Variants in ARHGEF28 observed in about 807,000 individuals in gnomAD.
The protein encoded by ARHGEF28 is Rho guanine nucleotide exchange factor 28.
Under a neutral mutation model 206.6 loss-of-function variants are expected in ARHGEF28, and 152 were observed. That is an observed-to-expected ratio of 0.74 (90% confidence interval 0.64 to 0.84). The LOEUF is 0.84. ARHGEF28 is among the 40% of genes least tolerant of loss of function. The pLI is 0.00. For missense variants in ARHGEF28, 2,028 were observed against 2,073.2 expected, an observed-to-expected ratio of 0.98 and a Z score of 0.42; for synonymous variants, 763 against 776.4, an observed-to-expected ratio of 0.98 and a Z score of 0.29.
intron 1 of ARHGEF28, among the ~76,000 whole-genome samples, chr5:73,639,839 A>C (rs1182415398): frequency 2.6e-5 from 4 of 152,206 alleles, no homozygotes; most frequent in Admixed American, 2.6e-4. Flanking sequence ...GATTAGTGGT[A>C]TGCTTTTTCA....
At chr5:73,697,277 C>G (rs1047344232) in intron 2 of ARHGEF28, among the ~76,000 whole-genome samples, 1 of 152,136 alleles carries the variant, frequency 6.6e-6, no homozygotes, top group East Asian at 1.9e-4. Context: ...CTTTTTACCC[C>G]CTTCTTTAGC....
chr5:73,890,354 G>A (rs986922807), intron 26 of ARHGEF28, among the ~76,000 whole-genome samples: 6 of 152,188 alleles, frequency 3.9e-5, no homozygotes, highest in Non-Finnish European at 8.8e-5. Context: ...TACATACAGA[G>A]GCTGTTTACC....
chr5:73,913,738 A>G (rs978871928), intron 35 of ARHGEF28, among the ~76,000 whole-genome samples: 2 of 152,198 alleles, frequency 1.3e-5, no homozygotes, highest in African/African-American at 2.4e-5. Flanking sequence ...ATCAGTGACC[A>G]CTACTGAGGA....
chr5:73,861,273 A>T (rs1324916596), intron 16 of ARHGEF28, among the ~76,000 whole-genome samples: 6 of 151,926 alleles, frequency 3.9e-5, no homozygotes, highest in Admixed American at 3.9e-4. Flanking sequence ...AGTTGAGTGG[A>T]TGTGATGGAA....
chr5:73,773,274 A>C (rs1753331976), intron 4 of ARHGEF28, among the ~76,000 whole-genome samples: 1 of 152,184 alleles, frequency 6.6e-6, no homozygotes, highest in Non-Finnish European at 1.5e-5. Flanking sequence ...GAGCAGAGCA[A>C]CGGGGTGGCT....
At position 73,887,479 on chromosome 5, in the gene ARHGEF28, A is replaced by G. The variant is rs144491717; in HGVS notation, c.3311-124A>G. The G allele has an allele frequency of 8.3e-3, 5,878 of 704,620 alleles. 42 individuals are homozygous for G. Among genetic ancestry groups the G allele is most frequent in the Non-Finnish European group, 9.8e-3 (4,281 of 437,074 alleles). 43.6% of individuals were successfully genotyped at this position (704,620 alleles called of 1,614,324 possible). ...TTATTAATAGCATATATCTTTGGCT[A>G]TCATAATACAGGTATTTTTATAAAA... On this transcript the variant is annotated intron_variant, in intron 25 of 35. Transcript: ENST00000513042.
rs1033594824 is a variant in ARHGEF28, at chr5:73,865,844, T to C, written c.2104-121T>C. On this transcript the variant is annotated intron_variant, in intron 17 of 35. Coordinates refer to ENST00000513042, the MANE Select transcript of ARHGEF28 (RefSeq NM_001177693.2). ...TAATGTCTTTTGCTTTGAATTCCTCTTGGAAATAAAATAACAAAAATGATA... is the reference window on the plus strand; with the variant it reads ...TAATGTCTTTTGCTTTGAATTCCTCCTGGAAATAAAATAACAAAAATGATA... 6.4e-6 allele frequency: 5 copies of C among 777,494 alleles called. No individual in the cohort carries two copies. The Admixed American group carries it at 1.3e-4, about 20-fold the overall frequency. The allele number at this position is 777,494 out of a possible 1,614,324, so 48.2% of individuals were successfully genotyped here.
intron 26 of ARHGEF28, 29 bp from the exon 27 acceptor site, chr5:73,892,023 T>C: frequency 3.2e-6 from 5 of 1,577,374 alleles, no homozygotes; most frequent in Non-Finnish European, 4.3e-6. Flanking sequence ...GGATGCTGTT[T>C]CATCTGCTCA....
At chr5:73,909,374 C>A in intron 33 of ARHGEF28, 38 bp from the exon 34 acceptor site, 2 of 1,559,088 alleles carry the variant, frequency 1.3e-6, no homozygotes, top group South Asian at 1.2e-5. Flanking sequence ...ACCATGGAAC[C>A]TTGTGTTCAG....
intron 33 of ARHGEF28, chr5:73,904,939 G>C (rs1195613340): frequency 6.5e-6 from 1 of 152,680 alleles, no homozygotes; most frequent in Non-Finnish European, 1.5e-5. Flanking sequence ...CACACAGCCT[G>C]CTCTCAAATA....
At chr5:73,656,874 A>G (rs1419969001) in intron 1 of ARHGEF28, among the ~76,000 whole-genome samples, 1 of 152,018 alleles carries the variant, frequency 6.6e-6, no homozygotes, top group Non-Finnish European at 1.5e-5. Context: ...CTGCTCCTAT[A>G]AAAAGAATGT....
At chr5:73,754,037 G>T (rs1017493778) in intron 4 of ARHGEF28, among the ~76,000 whole-genome samples, 3 of 152,078 alleles carry the variant, frequency 2.0e-5, no homozygotes, top group African/African-American at 7.2e-5. Flanking sequence ...ATGTTGTTTT[G>T]TAATTTATTA....
At chr5:73,881,084 C>G (rs1247706337) in intron 22 of ARHGEF28, among the ~76,000 whole-genome samples, 1 of 149,112 alleles carries the variant, frequency 6.7e-6, no homozygotes. Flanking sequence ...CAGTGCCATT[C>G]GTTGAAAAGG....
intron 4 of ARHGEF28, among the ~76,000 whole-genome samples, chr5:73,763,922 A>G (rs575721407): frequency 6.6e-6 from 1 of 152,344 alleles, no homozygotes; most frequent in Non-Finnish European, 1.5e-5. Context: ...TTATGCCTTT[A>G]AATTGTGACC....
At chr5:73,937,293 G>C (rs539625363) in intron 35 of ARHGEF28, among the ~76,000 whole-genome samples, 1 of 152,120 alleles carries the variant, frequency 6.6e-6, no homozygotes, top group Non-Finnish European at 1.5e-5. Flanking sequence ...CATAATGTGA[G>C]TATCGAAGTT....
chr5:73,780,709 A>G lies in ARHGEF28; in HGVS notation c.874A>G (p.Thr292Ala), dbSNP rs1199116749. ...FEPEARPEERTAMPSSGAETE... is the reference protein window; with the variant it reads ...FEPEARPEERAAMPSSGAETE... ...GCCAGAAGCCAGGCCAGAGGAAAGA[A>G]CAGCTATGCCCTCCAGCGGTGCAGA... The change falls in exon 7 of 36, where the codon ACA becomes GCA. Residue 292 changes from threonine to alanine, a missense_variant. Physicochemically the swap from Thr to Ala is moderately conservative, Grantham distance 58. This residue lies in a region of ARHGEF28 where 1,002 missense variants were observed against 1,015.3 expected (regional missense o/e 0.99). Coordinates refer to ENST00000513042, the MANE Select transcript of ARHGEF28 (RefSeq NM_001177693.2). 5 of 1,558,648 alleles carry G rather than the reference A, an allele frequency of 3.2e-6. No homozygotes were observed. The Admixed American group carries it at 9.6e-5, about 30-fold the overall frequency.
At chr5:73,737,522 C>CTTTT (rs1270204631) in intron 2 of ARHGEF28, among the ~76,000 whole-genome samples, 1 of 120,768 alleles carries the variant, frequency 8.3e-6, no homozygotes, top group Non-Finnish European at 1.7e-5. Context: ...CTTTTCTTTT[C>CTTTT]TTTTTTGTGA....
chr5:73,801,611 A>AG (rs1164385107), intron 9 of ARHGEF28, among the ~76,000 whole-genome samples: 1 of 152,018 alleles, frequency 6.6e-6, no homozygotes, highest in Non-Finnish European at 1.5e-5. Flanking sequence ...GAAACATGGG[A>AG]GGGGGGGACC....
intron 2 of ARHGEF28, among the ~76,000 whole-genome samples, chr5:73,727,954 G>C (rs149004708): frequency 6.6e-6 from 1 of 152,202 alleles, no homozygotes; most frequent in African/African-American, 2.4e-5. Context: ...GCTTACTGCT[G>C]TCTGAAATCT....
Sources: gnomAD v4.1 joint callset for allele counts (sites outside exome capture counted in the v4.1 genomes callset) on GRCh38, gnomAD v4.1.1 for gene constraint, gnomAD v4.1.1 regional missense constraint, MANE v1.5 for transcripts, NCBI Gene and HGNC (gene_info 2026-07-23, HGNC 2026-07-21) for gene names.